The following MTCL2 variants were observed in gnomAD, a reference collection of about 807,000 sequenced individuals.
The protein encoded by MTCL2 is microtubule crosslinking factor 2.
chr20:36,859,446 C>A, the MTCL2 span: 1 of 593,940 alleles, frequency 1.7e-6, no homozygotes, highest in Admixed American at 4.4e-5. Context: ...AGCTCAACTG[C>A]AGCCACCACA....
At chr20:36,788,909 C>G in the MTCL2 span, among the ~76,000 whole-genome samples, 1 of 150,846 alleles carries the variant, frequency 6.6e-6, no homozygotes, top group Non-Finnish European at 1.5e-5. Flanking sequence ...CGGGTTCGAG[C>G]GATTCTCCTG....
chr20:36,788,124 T>A, the MTCL2 span, among the ~76,000 whole-genome samples: 1 of 139,542 alleles, frequency 7.2e-6, no homozygotes, highest in East Asian at 2.1e-4. Context: ...CGGCTTGAAC[T>A]CAGGAGGCGG....
the MTCL2 span, chr20:36,863,422 G>A: frequency 2.8e-6 from 3 of 1,068,446 alleles, no homozygotes; most frequent in Non-Finnish European, 3.5e-6. The surrounding 1 kb of genome is among the most constrained non-coding windows in gnomAD (Gnocchi z 6.2). Context: ...GGAGGGACCC[G>A]GCGCGGCTCC....
the MTCL2 span, among the ~76,000 whole-genome samples, chr20:36,832,653 G>A: frequency 6.6e-6 from 1 of 152,146 alleles, no homozygotes; most frequent in Non-Finnish European, 1.5e-5. Flanking sequence ...GGCCAACATG[G>A]TAAAACCCCG....
chr20:36,827,611 T>C, the MTCL2 span, among the ~76,000 whole-genome samples: 2 of 151,916 alleles, frequency 1.3e-5, no homozygotes, highest in East Asian at 3.9e-4. Context: ...GGATTATAGG[T>C]GTGAGCCACC....
the MTCL2 span, chr20:36,863,290 G>A: frequency 8.4e-7 from 1 of 1,189,050 alleles, no homozygotes; most frequent in Non-Finnish European, 1.0e-6. The surrounding 1 kb of genome is among the most constrained non-coding windows in gnomAD (Gnocchi z 6.2). Context: ...GCGGGTGCAG[G>A]CGCGGGCTGG....
At chr20:36,793,234 A>ATT in the MTCL2 span, 1 of 1,546,516 alleles carries the variant, frequency 6.5e-7, no homozygotes, top group Non-Finnish European at 8.7e-7. The surrounding 1 kb of genome is among the most constrained non-coding windows in gnomAD (Gnocchi z 6.8). Context: ...GAAAGGACAG[A>ATT]TCCCACCCAC....
At chr20:36,841,971 T>C in the MTCL2 span, among the ~76,000 whole-genome samples, 971 of 151,442 alleles carry the variant, frequency 6.4e-3, 9 homozygotes, top group African/African-American at 0.023. Context: ...GCTCAAGCAA[T>C]CTGCCTAGCT....
chr20:36,840,163 G>A, the MTCL2 span, among the ~76,000 whole-genome samples: 1 of 143,580 alleles, frequency 7.0e-6, no homozygotes, highest in African/African-American at 2.6e-5. Flanking sequence ...TGCCCAGCCT[G>A]GTGTTTTTTT....
chr20:36,800,184 T>A, the MTCL2 span, among the ~76,000 whole-genome samples: 1 of 152,208 alleles, frequency 6.6e-6, no homozygotes, highest in Admixed American at 6.5e-5. Context: ...CAGCAGAACA[T>A]GGAACCCGTG....
the MTCL2 span, among the ~76,000 whole-genome samples, chr20:36,825,091 C>T: frequency 6.6e-6 from 1 of 151,914 alleles, no homozygotes; most frequent in African/African-American, 2.4e-5. Flanking sequence ...TACAGGCGCC[C>T]ACCACCACAC....
the MTCL2 span, among the ~76,000 whole-genome samples, chr20:36,812,363 T>C: frequency 2.6e-5 from 4 of 152,214 alleles, no homozygotes; most frequent in Admixed American, 2.6e-4. Context: ...GATCCACAAT[T>C]GAAACCCAAA....
the MTCL2 span, among the ~76,000 whole-genome samples, chr20:36,845,354 G>A: frequency 6.6e-6 from 1 of 152,256 alleles, no homozygotes; most frequent in East Asian, 1.9e-4. Flanking sequence ...GTGAATGAAT[G>A]AATGATAGTT....
the MTCL2 span, among the ~76,000 whole-genome samples, chr20:36,805,374 G>A: frequency 6.6e-6 from 1 of 152,170 alleles, no homozygotes; most frequent in East Asian, 1.9e-4. Flanking sequence ...GTGTGACCCT[G>A]GGATCCTGAC....
chr20:36,814,139 CATG>C, the MTCL2 span, among the ~76,000 whole-genome samples: 1 of 152,132 alleles, frequency 6.6e-6, no homozygotes, highest in African/African-American at 2.4e-5. Context: ...CATTCACTGA[CATG>C]ATATTTTGGG....
the MTCL2 span, among the ~76,000 whole-genome samples, chr20:36,814,629 G>A: frequency 6.6e-6 from 1 of 152,122 alleles, no homozygotes; most frequent in South Asian, 2.1e-4. Flanking sequence ...GCTCACACCT[G>A]TAATCCCAGA....
the MTCL2 span, chr20:36,797,613 G>A: frequency 6.5e-7 from 1 of 1,538,600 alleles, no homozygotes; most frequent in South Asian, 1.2e-5. Context: ...AATGGGCAAA[G>A]CTGGTATGCA....
chr20:36,822,845 C>T, the MTCL2 span, among the ~76,000 whole-genome samples: 1 of 151,920 alleles, frequency 6.6e-6, no homozygotes, highest in Non-Finnish European at 1.5e-5. Flanking sequence ...GCAACCTCCG[C>T]CTCCCAGGTT....
chr20:36,853,021 C>T, the MTCL2 span, among the ~76,000 whole-genome samples: 11 of 150,854 alleles, frequency 7.3e-5, no homozygotes, highest in African/African-American at 2.7e-4. Flanking sequence ...CACGCCACTG[C>T]ACTCCAGCTT....
Sources: allele counts gnomAD v4.1 joint callset (sites outside exome capture counted in the v4.1 genomes callset), GRCh38; gene constraint gnomAD v4.1.1; non-coding constraint Gnocchi (gnomAD v3.1); transcripts MANE v1.5; gene names NCBI Gene and HGNC (gene_info 2026-07-23, HGNC 2026-07-21).